ENAM: variants seen among roughly 807,000 people sequenced by gnomAD.
ENAM encodes amelogenesis imperfecta 2, hypocalcification (autosomal dominant).
In ENAM, 21 loss-of-function variants were observed where a neutral mutation model predicts 33.6. The ratio of observed to expected loss-of-function variants is 0.63; its 90% CI spans 0.44 to 0.90. ENAM has a LOEUF of 0.90. ENAM is among the 40% of genes least tolerant of loss of function. The pLI is 0.00. For synonymous variants in ENAM, 473 were observed against 468.4 expected, an observed-to-expected ratio of 1.01 and a Z score of -0.13; for missense variants, 1,388 against 1,366.9, an observed-to-expected ratio of 1.02 and a Z score of -0.24.
intron 6 of ENAM, 67 bp from the exon 7 acceptor site, chr4:70,635,765 A>C: frequency 1.1e-5 from 10 of 932,538 alleles, no homozygotes; most frequent in South Asian, 2.8e-5. Flanking sequence ...GTATTTAGTT[A>C]GTTTCCTTCA....
rs1182386462 is a variant in ENAM at position 70,645,552 on chromosome 4, A to G, written c.*697A>G. The G allele has an allele frequency of 2.0e-5, 3 of 151,864 alleles. No homozygotes were observed. Among genetic ancestry groups the G allele is most frequent in the Non-Finnish European group, 4.4e-5 (3 of 68,046 alleles). 9.4% of individuals were successfully genotyped at this position (151,864 alleles called of 1,614,324 possible). A position where few individuals can be genotyped will look rare whatever the true frequency, so the allele number is the denominator to read the frequency against. Reference sequence around the variant, plus strand: ...CTCCATTATGTCTTCGTCTCTTCCAACCTATCTGTTCTGTCTCCCAATGTA... The same window carrying G: ...CTCCATTATGTCTTCGTCTCTTCCAGCCTATCTGTTCTGTCTCCCAATGTA... On this transcript the variant is annotated 3_prime_UTR_variant, in exon 9 of 9. Transcript: ENST00000396073.
In ENAM at chr4:70,643,925, G is replaced by T; in HGVS notation, c.2499G>T (p.Met833Ile). The change falls in exon 9 of 9, where the codon ATG (methionine) becomes ATT (isoleucine). Residue 833 changes from methionine to isoleucine, a missense_variant. Transcript: ENST00000396073. The stretch of plus-strand genomic sequence containing the variant: ...AAGGTGAGAATTTGAACTATGGCAT[G>T]CAAATAACTAGGATGAATTCTCCAG... ...WHEGENLNYGMQITRMNSPER... is the reference protein window; with the variant it reads ...WHEGENLNYGIQITRMNSPER... 1.9e-6 allele frequency: 3 copies of T among 1,614,130 alleles called. No homozygotes were observed. Among genetic ancestry groups the T allele is most frequent in the South Asian group, 1.1e-5 (1 of 91,086 alleles).
chr4:70,637,880 T>G, intron 8 of ENAM, 37 bp downstream of exon 8: 1 of 1,478,900 alleles, frequency 6.8e-7, no homozygotes, highest in Non-Finnish European at 9.5e-7. Context: ...CACTAGAAAT[T>G]ACAATCCATT....
rs1002258371 is a variant in ENAM, at chr4:70,642,672, A to G, written c.1246A>G (p.Thr416Ala). 3.1e-6 allele frequency: 5 copies of G among 1,611,580 alleles called. No homozygotes were observed. Among genetic ancestry groups the G allele is most frequent in the African/African-American group, 1.3e-5 (1 of 74,694 alleles). Reference protein sequence around the residue: ...QGPNKHPVGTTVAPLGPKPGP... With the variant: ...QGPNKHPVGTAVAPLGPKPGP... ...GCCAAATAAACACCCTGTAGGAACT[A>G]CTGTTGCCCCACTGGGTCCCAAACC... The change falls in exon 9 of 9, where the codon ACT becomes GCT. Residue 416 changes from threonine to alanine, a missense_variant. Physicochemically the swap from Thr to Ala is moderately conservative, Grantham distance 58. Coordinates refer to ENST00000396073, the MANE Select transcript of ENAM (RefSeq NM_031889.3).
In ENAM at chr4:70,637,838, G is replaced by A. The variant is rs1238958291; in HGVS notation, c.583G>A (p.Gly195Arg). 8 of 1,607,850 alleles carry A rather than the reference G, an allele frequency of 5.0e-6. No individual in the cohort carries two copies. Among genetic ancestry groups the A allele is most frequent in the Middle Eastern group, 1.7e-4 (1 of 6,042 alleles). ...ACGCCCACCAATCAGCAATGAAGAA[G>A]GGGGGGTAAGTACAAGTAAAACTAC... is the stretch of plus-strand genomic sequence containing the variant. ...YGRPPISNEE[G>R]GNPYFGYFGY... Residue 195 changes from glycine (G) to arginine (R), a missense_variant, in exon 8 of 9, where the codon GGG becomes AGG. Gly to Arg is a moderately radical substitution (Grantham distance 125, BLOSUM62 -2). Transcript: ENST00000396073.
chr4:70,638,342 G>A (rs1177260406), intron 8 of ENAM, among the ~76,000 whole-genome samples: 1 of 151,470 alleles, frequency 6.6e-6, no homozygotes, highest in East Asian at 1.9e-4. Context: ...TTGTGGCATA[G>A]CACCCCACCC....
At position 70,642,086 on chromosome 4, in the gene ENAM, T is replaced by C. The variant is rs1738612229; in HGVS notation, c.660T>C (p.Phe220=). 8.7e-6 allele frequency: 14 copies of C among 1,614,086 alleles called. No homozygotes were observed. The highest frequency in any genetic ancestry group is 2.2e-5 in the East Asian group (1 of 44,892). Residue 220 remains phenylalanine, a synonymous_variant, in exon 9 of 9, where the codon TTT becomes TTC. Coordinates refer to ENST00000396073, the MANE Select transcript of ENAM (RefSeq NM_031889.3). ...GRPPYYSEEM[F]EQDFEKPKEE... is the part of the protein sequence containing the mutation. ...CTCCTTATTATTCAGAAGAAATGTT[T>C]GAACAAGATTTTGAAAAACCCAAAG...
intron 7 of ENAM, 26 bp downstream of exon 7, chr4:70,635,920 T>A (rs778173922): frequency 7.7e-7 from 1 of 1,303,552 alleles, no homozygotes; most frequent in Non-Finnish European, 1.1e-6. Context: ...TTCTTTACAC[T>A]GTAAGTGAAA....
Position 70,628,793 on chromosome 4 carries a change from A to C in ENAM, c.-232A>C, listed in dbSNP as rs1738238305. On this transcript the variant is annotated 5_prime_UTR_variant, in exon 1 of 9. Coordinates refer to ENST00000396073, the MANE Select transcript of ENAM (RefSeq NM_031889.3). ...ACTGAACATGATATCTGAGTGAAGAATTTTTGTTTTATTATTAAGAAATAA... is the reference window on the plus strand; with the variant it reads ...ACTGAACATGATATCTGAGTGAAGACTTTTTGTTTTATTATTAAGAAATAA... 1 of 152,098 alleles carries C rather than the reference A, an allele frequency of 6.6e-6. No homozygotes were observed. Among genetic ancestry groups the C allele is most frequent in the Non-Finnish European group, 1.5e-5 (1 of 67,992 alleles). The allele number at this position is 152,098 out of a possible 1,614,324, so 9.4% of individuals were successfully genotyped here. A position where few individuals can be genotyped will look rare whatever the true frequency, so the allele number is the denominator to read the frequency against.
rs36064169 is a variant in ENAM at position 70,643,667 on chromosome 4, C to A, written c.2241C>A (p.Tyr747Ter). ...MPPPIESRGY[Y>*]VNNAAGPEES... ...CACCTATAGAGAGCAGGGGCTACTA[C>A]GTTAATAATGCCGCTGGACCAGAAG... Residue 747 changes from tyrosine to a stop codon, truncating the protein, a stop_gained, in exon 9 of 9, where the codon TAC becomes TAA. Coordinates refer to ENST00000396073, the MANE Select transcript of ENAM (RefSeq NM_031889.3). LOFTEE classifies it low-confidence loss of function (END_TRUNC). The A allele has an allele frequency of 5.0e-6, 8 of 1,614,040 alleles. No homozygotes were observed. The Admixed American group carries it at 5.0e-5, about 10-fold the overall frequency.
In ENAM at chr4:70,632,643, G is replaced by A. The variant is rs759743912; in HGVS notation, c.169-8G>A. The A allele has an allele frequency of 2.0e-5, 31 of 1,585,798 alleles. 1 individual carries two copies. The South Asian group carries it at 3.3e-4, about 17-fold the overall frequency. ...TTGTATCACATTAATGGATTCCTTT[G>A]GTTGCAGATGATGCGGTATAATCAA... On this transcript the variant is annotated splice_polypyrimidine_tract_variant and splice_region_variant and intron_variant, in intron 4 of 8. Transcript: ENST00000396073.
At chr4:70,637,913 T>C (rs1738499265) in intron 8 of ENAM, 70 bp downstream of exon 8, 1 of 1,128,792 alleles carries the variant, frequency 8.9e-7, no homozygotes, top group Admixed American at 1.7e-5. Context: ...TTTATCCACA[T>C]CTAATAAGAA....
Position 70,645,220 on chromosome 4 carries a change from AACTTTCCATTC to A in ENAM, c.*366_*376del. 3 of 312,806 alleles carry A rather than the reference AACTTTCCATTC, an allele frequency of 9.6e-6. No homozygotes were observed. The highest frequency in any genetic ancestry group is 1.2e-5 in the Non-Finnish European group (2 of 172,062). 19.4% of individuals were successfully genotyped at this position (312,806 alleles called of 1,614,324 possible). On this transcript the variant is annotated 3_prime_UTR_variant, in exon 9 of 9. Transcript: ENST00000396073. ...GTTTTTCAAGACTGAAAGGCAGATT[AACTTTCCATTC>A]TACTTATGGAGATCCACACATCAGT...
chr4:70,640,993 A>G (rs1357418412), intron 8 of ENAM, among the ~76,000 whole-genome samples: 2 of 152,236 alleles, frequency 1.3e-5, no homozygotes, highest in Admixed American at 1.3e-4. Flanking sequence ...GCCAGTAAGA[A>G]AACTACTGTA....
At chr4:70,637,165 A>G (rs1738471710) in intron 7 of ENAM, among the ~76,000 whole-genome samples, 1 of 152,234 alleles carries the variant, frequency 6.6e-6, no homozygotes. Context: ...AAAGATTTTA[A>G]AAACAGATAA....
chr4:70,637,923 A>C (rs1163993606), intron 8 of ENAM, 80 bp downstream of exon 8: 1 of 1,076,016 alleles, frequency 9.3e-7, no homozygotes, highest in Non-Finnish European at 1.4e-6. Context: ...TCTAATAAGA[A>C]AGTTAAAATC....
At chr4:70,633,807 A>T (rs1447511792) in intron 5 of ENAM, among the ~76,000 whole-genome samples, 1 of 152,202 alleles carries the variant, frequency 6.6e-6, no homozygotes, top group Non-Finnish European at 1.5e-5. Context: ...TGTAACCAAG[A>T]ACCATAGACA....
rs961136247 is a variant in ENAM, at chr4:70,646,133, A to G, written c.*1278A>G. The G allele has an allele frequency of 6.6e-6, 1 of 151,682 alleles. No homozygotes were observed. The highest frequency in any genetic ancestry group is 2.4e-5 in the African/African-American group (1 of 41,246). The allele number at this position is 151,682 out of a possible 1,614,324, so 9.4% of individuals were successfully genotyped here. A position where few individuals can be genotyped will look rare whatever the true frequency, so the allele number is the denominator to read the frequency against. ...GCTACTACTAACATTCTTCATGTCC[A>G]TGCAGAATTACTTACAGACACTCTT... On this transcript the variant is annotated 3_prime_UTR_variant, in exon 9 of 9. Coordinates refer to ENST00000396073, the MANE Select transcript of ENAM (RefSeq NM_031889.3).
Position 70,637,073 on chromosome 4 carries a change from G to A in ENAM, c.535-717G>A, listed in dbSNP as rs75897180. On this transcript the variant is annotated intron_variant, in intron 7 of 8. Transcript: ENST00000396073. ...GAACAATTCATTTTAAGGAGTAAGA[G>A]TTCCTTACATTTTTCCTCCTTAAAA... 2.4e-3 allele frequency among the ~76,000 whole-genome samples: 368 copies of A among 152,276 alleles called. 12 individuals carry two copies. The East Asian group carries it at 0.054, about 23-fold the overall frequency.
Sources: gnomAD v4.1 joint callset for allele counts (sites outside exome capture counted in the v4.1 genomes callset) on GRCh38, gnomAD v4.1.1 for gene constraint, MANE v1.5 for transcripts, NCBI Gene and HGNC (gene_info 2026-07-23, HGNC 2026-07-21) for gene names.